Variants in N4BP2 observed in about 807,000 individuals in gnomAD.
N4BP2 encodes NEDD4-binding protein 2.
N4BP2 carries 91 observed loss-of-function variants against 152.8 expected under a neutral mutation model. That is an observed-to-expected ratio of 0.60 (90% CI 0.50 to 0.71). The LOEUF is 0.71. Among genes scored for constraint, N4BP2 ranks in the 30% least tolerant of loss-of-function variants. The pLI is 0.00. For synonymous variants in N4BP2, 646 were observed against 705.3 expected (o/e 0.92, Z 1.33); for missense variants, 1,923 against 2,059.1 (o/e 0.93, Z 1.28).
Position 40,117,911 on chromosome 4 carries a change from G to T in N4BP2, c.1707G>T (p.Met569Ile). ...TAAGCAAAGAAAAAATAACAAGAAT[G>T]TTGGAACATTATCAACGTTTTGTTT... ...HGVSKEKITR[M>I]LEHYQRFVSV... The change falls in exon 8 of 18, where the codon ATG becomes ATT. Residue 569 changes from methionine (M) to isoleucine (I), a missense_variant. Met to Ile is a conservative substitution (Grantham distance 10, BLOSUM62 1). Transcript: ENST00000261435. 6.2e-7 allele frequency: 1 copy of T among 1,612,052 alleles called. No individual in the cohort carries two copies. The highest frequency in any genetic ancestry group is 1.1e-5 in the South Asian group (1 of 90,552).
the N4BP2 span, among the ~76,000 whole-genome samples, chr4:40,177,665 T>G: frequency 2.0e-5 from 3 of 152,054 alleles, no homozygotes; most frequent in Non-Finnish European, 4.4e-5. Context: ...CTACCTCAAC[T>G]AGAGCACAGA....
In N4BP2 at chr4:40,097,441, C is replaced by T. The variant is rs1338980430; in HGVS notation, c.101C>T (p.Thr34Ile). ...VSSVASREEPTTTLPSMGETK... is the reference protein window; with the variant it reads ...VSSVASREEPITTLPSMGETK... The stretch of plus-strand genomic sequence containing the variant: ...AGTGTTGCTAGTCGTGAGGAGCCAA[C>T]CACTACTCTACCTTCCATGGGTGAG... Residue 34 changes from threonine to isoleucine, a missense_variant, in exon 3 of 18, where the codon ACC becomes ATC. Physicochemically the swap from Thr to Ile is moderately conservative, Grantham distance 89 (BLOSUM62 -1). Transcript: ENST00000261435. The T allele has an allele frequency of 6.2e-7, 1 of 1,613,946 alleles. No individual in the cohort carries two copies. Among genetic ancestry groups the T allele is most frequent in the Non-Finnish European group, 8.5e-7 (1 of 1,179,964 alleles).
intron 2 of N4BP2, among the ~76,000 whole-genome samples, chr4:40,090,430 A>G (rs910046445): frequency 1.3e-5 from 2 of 152,140 alleles, no homozygotes; most frequent in Non-Finnish European, 2.9e-5. Context: ...AGTTTTCAGC[A>G]TATTAAGTTT....
chr4:40,127,019 A>G (rs565413147), intron 12 of N4BP2, among the ~76,000 whole-genome samples: 2 of 151,976 alleles, frequency 1.3e-5, no homozygotes, highest in South Asian at 2.1e-4. Flanking sequence ...TTAGCCTCCT[A>G]AAGTGCTGGG....
chr4:40,112,238 T>C, intron 6 of N4BP2, 66 bp downstream of exon 6: 1 of 918,868 alleles, frequency 1.1e-6, no homozygotes, highest in Non-Finnish European at 1.7e-6. Context: ...ACATTAATTA[T>C]GAAAGTGAAT....
chr4:40,174,601 G>A, the N4BP2 span, among the ~76,000 whole-genome samples: 5 of 152,170 alleles, frequency 3.3e-5, no homozygotes, highest in African/African-American at 1.2e-4. Flanking sequence ...TCAGGAGTTT[G>A]AGACCAGCCT....
intron 3 of N4BP2, among the ~76,000 whole-genome samples, chr4:40,098,352 G>A (rs1715289762): frequency 6.6e-6 from 1 of 152,116 alleles, no homozygotes; most frequent in Admixed American, 6.6e-5. Flanking sequence ...TGCTTCATAG[G>A]ACTTTTTTTT....
At chr4:40,093,925 G>A (rs1432546817) in intron 2 of N4BP2, among the ~76,000 whole-genome samples, 1 of 152,040 alleles carries the variant, frequency 6.6e-6, no homozygotes, top group Non-Finnish European at 1.5e-5. Flanking sequence ...AGTAGAGATG[G>A]GGTTTTACCA....
chr4:40,073,198 A>G (rs1208760344), intron 1 of N4BP2, among the ~76,000 whole-genome samples: 1 of 152,128 alleles, frequency 6.6e-6, no homozygotes, highest in Non-Finnish European at 1.5e-5. Context: ...AACTAAGGCT[A>G]TTTTGTTACC....
chr4:40,084,787 G>C (rs984793603), intron 2 of N4BP2, among the ~76,000 whole-genome samples: 1 of 150,732 alleles, frequency 6.6e-6, no homozygotes, highest in Non-Finnish European at 1.5e-5. Context: ...AGCTAATTTT[G>C]TATTTTTGGT....
At position 40,122,248 on chromosome 4, in the gene N4BP2, A is replaced by C. The variant is rs143143789; in HGVS notation, c.4137A>C (p.Ala1379=). Reference sequence around the variant, plus strand: ...TGACCATAGACTGTCTGGAATTGGCATTACCCCCTGAACTGGCTTTTCAAC... The same window carrying C: ...TGACCATAGACTGTCTGGAATTGGCCTTACCCCCTGAACTGGCTTTTCAAC... ...KSLTIDCLEL[A]LPPELAFQLN... is the part of the protein sequence containing the mutation. The change falls in exon 9 of 18, where the codon GCA becomes GCC. Residue 1379 remains alanine (A), a synonymous_variant. Transcript: ENST00000261435. 2.0e-4 allele frequency: 329 copies of C among 1,605,802 alleles called. No homozygotes were observed. The highest frequency in any genetic ancestry group is 2.7e-4 in the Non-Finnish European group (317 of 1,175,490).
chr4:40,129,335 TC>T (rs1445429097), intron 12 of N4BP2, among the ~76,000 whole-genome samples: 1 of 152,124 alleles, frequency 6.6e-6, no homozygotes, highest in Non-Finnish European at 1.5e-5. Flanking sequence ...CAAGCGATTC[TC>T]CTGCCTCAGC....
chr4:40,063,345 G>A (rs1733805004), intron 1 of N4BP2, among the ~76,000 whole-genome samples: 1 of 152,190 alleles, frequency 6.6e-6, no homozygotes, highest in Non-Finnish European at 1.5e-5. Context: ...CTTATACTCT[G>A]TGCATACTGG....
At position 40,086,220 on chromosome 4, in the gene N4BP2, A is replaced by G. The variant is rs75860795; in HGVS notation, c.-114-11007A>G. Among the ~76,000 whole-genome samples the G allele has an allele frequency of 1.7e-4, 25 of 151,430 alleles. No homozygotes were observed. In the East Asian group the frequency reaches 3.7e-3, roughly 23 times the overall value. On this transcript the variant is annotated intron_variant, in intron 2 of 17. Coordinates refer to ENST00000261435, the MANE Select transcript of N4BP2 (RefSeq NM_018177.6). ...AGGTCTGGTCTCGAATGCCAGACCAACCTGGATTACAGGTGTGAACCATCA... is the reference window on the plus strand; with the variant it reads ...AGGTCTGGTCTCGAATGCCAGACCAGCCTGGATTACAGGTGTGAACCATCA...
chr4:40,128,842 A>AT (rs1455497083), intron 12 of N4BP2, among the ~76,000 whole-genome samples: 1 of 147,140 alleles, frequency 6.8e-6, no homozygotes, highest in Admixed American at 7.1e-5. Flanking sequence ...CTTTAAAAAA[A>AT]AAATAAATAA....
rs189825667 is a variant in N4BP2, at chr4:40,096,089, A to G, written c.-114-1138A>G. ...TGGATATGTTAAGTTTGAAATGTTT[A>G]TTAGATATATTCAAGCAGAGAAAAC... is the stretch of plus-strand genomic sequence containing the variant. On this transcript the variant is annotated intron_variant, in intron 2 of 17. Coordinates refer to ENST00000261435, the MANE Select transcript of N4BP2 (RefSeq NM_018177.6). Among the ~76,000 whole-genome samples, 242 of 152,262 alleles carry G rather than the reference A, an allele frequency of 1.6e-3. 2 individuals carry two copies. Among genetic ancestry groups the G allele is most frequent in the African/African-American group, 5.5e-3 (228 of 41,562 alleles).
In N4BP2 at chr4:40,158,202, T is replaced by C. The variant is rs964139453; in HGVS notation, c.*3965T>C. 1.3e-5 allele frequency: 2 copies of C among 152,242 alleles called. No individual in the cohort carries two copies. The highest frequency in any genetic ancestry group is 4.8e-5 in the African/African-American group (2 of 41,470). The allele number at this position is 152,242 out of a possible 1,614,324, so 9.4% of individuals were successfully genotyped here. A position where few individuals can be genotyped will look rare whatever the true frequency, so the allele number is the denominator to read the frequency against. ...ATAAATTTGCTTTTAAATTTTCTTA[T>C]GAAGCCATTTGCAAATTACATACTT... On this transcript the variant is annotated 3_prime_UTR_variant, in exon 18 of 18. Transcript: ENST00000261435.
chr4:40,062,144 T>C (rs1410364436), intron 1 of N4BP2, among the ~76,000 whole-genome samples: 1 of 149,642 alleles, frequency 6.7e-6, no homozygotes, highest in Non-Finnish European at 1.5e-5. Flanking sequence ...AGTGGTGCGA[T>C]CTTGGCTTGC....
chr4:40,101,682 TA>T (rs1715669619), intron 3 of N4BP2, among the ~76,000 whole-genome samples: 1 of 152,174 alleles, frequency 6.6e-6, no homozygotes, highest in African/African-American at 2.4e-5. Flanking sequence ...ATAAAATACT[TA>T]ATATTTAAAA....
Sources: allele counts gnomAD v4.1 joint callset (sites outside exome capture counted in the v4.1 genomes callset), GRCh38; gene constraint gnomAD v4.1.1; transcripts MANE v1.5; gene names NCBI Gene and HGNC (gene_info 2026-07-23, HGNC 2026-07-21).